Variants in SMOC2 observed in about 807,000 individuals in gnomAD.
The protein encoded by SMOC2 is SPARC-related modular calcium-binding protein 2.
Under a neutral mutation model 61.4 loss-of-function variants are expected in SMOC2, and 39 were observed. The observed-to-expected ratio is 0.64, with a 90% CI of 0.49 to 0.83. The LOEUF is 0.83. Ranked by LOEUF, SMOC2 falls within the 40% of genes least tolerant of loss-of-function variation. The pLI is 0.00. For missense variants in SMOC2, 556 were observed against 592.9 expected (o/e 0.94, Z 0.65); for synonymous variants, 247 against 239.9 (o/e 1.03, Z -0.27).
At chr6:168,567,978 C>T (rs1784580517) in intron 7 of SMOC2, among the ~76,000 whole-genome samples, 1 of 150,912 alleles carries the variant, frequency 6.6e-6, no homozygotes. Flanking sequence ...CAGACACAGG[C>T]GAAGACCGGA....
chr6:168,491,912 G>A (rs1486386914), intron 1 of SMOC2, among the ~76,000 whole-genome samples: 4 of 152,098 alleles, frequency 2.6e-5, no homozygotes, highest in African/African-American at 9.7e-5. Context: ...TAACTACATC[G>A]AAATATTATT....
chr6:168,564,474 G>A (rs1784499405), intron 7 of SMOC2, among the ~76,000 whole-genome samples: 1 of 152,058 alleles, frequency 6.6e-6, no homozygotes, highest in Admixed American at 6.6e-5. Context: ...TATGTATGTG[G>A]ATTTAATGTA....
intron 11 of SMOC2, among the ~76,000 whole-genome samples, chr6:168,656,953 G>T (rs995239917): frequency 6.6e-6 from 1 of 152,216 alleles, no homozygotes; most frequent in African/African-American, 2.4e-5. Context: ...CCGGCCATCC[G>T]ATGAGGTCAG....
At chr6:168,522,286 T>A (rs1197455497) in intron 2 of SMOC2, among the ~76,000 whole-genome samples, 4 of 152,174 alleles carry the variant, frequency 2.6e-5, no homozygotes, top group Non-Finnish European at 4.4e-5. Flanking sequence ...CAGCAGGCAC[T>A]CCCTCCGTAA....
chr6:168,470,309 A>G (rs1781942254), intron 1 of SMOC2, among the ~76,000 whole-genome samples: 1 of 152,230 alleles, frequency 6.6e-6, no homozygotes, highest in South Asian at 2.1e-4. Flanking sequence ...ATGAAAAAAT[A>G]CCTGTTGTTA....
At chr6:168,616,788 A>T (rs575822537) in intron 9 of SMOC2, among the ~76,000 whole-genome samples, 92 of 152,330 alleles carry the variant, frequency 6.0e-4, no homozygotes, top group African/African-American at 2.1e-3. Context: ...GCATCATAAG[A>T]CAGGAAGAGC....
chr6:168,647,071 C>A (rs1290947563), intron 9 of SMOC2, among the ~76,000 whole-genome samples: 1 of 152,190 alleles, frequency 6.6e-6, no homozygotes, highest in Non-Finnish European at 1.5e-5. Flanking sequence ...CACGTCTAAC[C>A]CAGGTGGGAG....
At chr6:168,583,158 A>G (rs1784959981) in intron 7 of SMOC2, among the ~76,000 whole-genome samples, 1 of 152,268 alleles carries the variant, frequency 6.6e-6, no homozygotes, top group African/African-American at 2.4e-5. Context: ...CAAAAAATAC[A>G]GGTGGAAGGA....
intron 2 of SMOC2, among the ~76,000 whole-genome samples, chr6:168,516,502 C>G (rs2248397): frequency 0.9 from 136,238 of 152,092 alleles, 61,936 homozygotes; most frequent in East Asian, 1. Context: ...GGGCGAGTCT[C>G]AGTGAAGGGA....
rs1782841690 is a variant in SMOC2 at position 168,505,199 on chromosome 6, GGA to G, written c.85-4715_85-4714del. On this transcript the variant is annotated intron_variant, in intron 1 of 12. Transcript: ENST00000356284. ...ATGAAATGTCTGTCTCTCAGATGCT[GGA>G]TGAATGACTGAATGAAATGTCCATC... Among the ~76,000 whole-genome samples, 4 of 76,028 alleles carry G rather than the reference GGA, an allele frequency of 5.3e-5. 1 individual carries two copies. In the South Asian group the frequency reaches 1.5e-3, roughly 29 times the overall value. 49.9% of individuals were successfully genotyped at this position (76,028 alleles called of 152,430 possible).
At chr6:168,493,816 A>G (rs573665396) in intron 1 of SMOC2, among the ~76,000 whole-genome samples, 1 of 152,326 alleles carries the variant, frequency 6.6e-6, no homozygotes, top group African/African-American at 2.4e-5. Context: ...AATAAATTTC[A>G]TCTGAATATT....
chr6:168,634,283 G>C (rs1156610343), intron 9 of SMOC2, among the ~76,000 whole-genome samples: 1 of 152,144 alleles, frequency 6.6e-6, no homozygotes, highest in Non-Finnish European at 1.5e-5. Context: ...ATGATACTAA[G>C]TCCTGAGATT....
chr6:168,568,898 T>G (rs1004065825), intron 7 of SMOC2, among the ~76,000 whole-genome samples: 5 of 152,244 alleles, frequency 3.3e-5, no homozygotes, highest in Admixed American at 6.5e-5. Context: ...CATATCTTCT[T>G]AGTGCTGAAT....
intron 1 of SMOC2, among the ~76,000 whole-genome samples, chr6:168,447,975 G>T (rs1035097166): frequency 3.9e-5 from 6 of 152,238 alleles, no homozygotes; most frequent in Non-Finnish European, 5.9e-5. Context: ...TGTCACCATG[G>T]ACATTTGATT....
intron 7 of SMOC2, among the ~76,000 whole-genome samples, chr6:168,578,163 C>G (rs1784849015): frequency 6.6e-6 from 1 of 152,172 alleles, no homozygotes; most frequent in Non-Finnish European, 1.5e-5. Flanking sequence ...TGTGTAGCAG[C>G]TCCAGGTGGC....
intron 4 of SMOC2, among the ~76,000 whole-genome samples, chr6:168,530,490 G>GA (rs1343375699): frequency 6.6e-6 from 1 of 152,096 alleles, no homozygotes; most frequent in Admixed American, 6.5e-5. Context: ...ATTTATAAAG[G>GA]AAAAAATCCT....
chr6:168,604,209 A>ATCTC (rs1785629146), intron 8 of SMOC2, among the ~76,000 whole-genome samples: 1 of 152,246 alleles, frequency 6.6e-6, no homozygotes, highest in African/African-American at 2.4e-5. Context: ...CAGAGGACAC[A>ATCTC]GGAGCCCATC....
chr6:168,666,542 A>T lies in SMOC2; in HGVS notation c.*104A>T. ...GAAACACATAGTATTTGCACTTTGT[A>T]CTTTAAATGTAAATTCACTTTGTAG... On this transcript the variant is annotated 3_prime_UTR_variant, in exon 13 of 13. Transcript: ENST00000356284. The T allele has an allele frequency of 8.2e-7, 1 of 1,218,266 alleles. No individual in the cohort carries two copies. Among genetic ancestry groups the T allele is most frequent in the Non-Finnish European group, 1.2e-6 (1 of 833,260 alleles). 75.5% of individuals were successfully genotyped at this position (1,218,266 alleles called of 1,614,324 possible). A position where few individuals can be genotyped will look rare whatever the true frequency, so the allele number is the denominator to read the frequency against.
chr6:168,571,861 T>C (rs12213183), intron 7 of SMOC2, among the ~76,000 whole-genome samples: 7,566 of 109,312 alleles, frequency 0.069, 270 homozygotes, highest in African/African-American at 0.15. Flanking sequence ...GCGATGTTCA[T>C]TTCCTCCCCG....
Sources: allele counts gnomAD v4.1 joint callset (sites outside exome capture counted in the v4.1 genomes callset), GRCh38; gene constraint gnomAD v4.1.1; transcripts MANE v1.5; gene names NCBI Gene and HGNC (gene_info 2026-07-23, HGNC 2026-07-21).